UBAC2: variants seen among roughly 807,000 people sequenced by gnomAD.
The protein encoded by UBAC2 is UBA domain containing 2.
UBAC2 carries 26 observed loss-of-function variants against 44.0 expected under a neutral mutation model. The ratio of observed to expected loss-of-function variants is 0.59; its 90% CI spans 0.43 to 0.82. The LOEUF is 0.82. UBAC2 is among the 40% of genes least tolerant of loss of function. UBAC2 has a pLI of 0.00. For missense variants in UBAC2, 329 were observed against 419.4 expected (o/e 0.78, Z 1.88); for synonymous variants, 155 against 154.3 (o/e 1.00, Z -0.04).
At chr13:99,353,978 G>A (rs542794510) in intron 7 of UBAC2, among the ~76,000 whole-genome samples, 1 of 152,364 alleles carries the variant, frequency 6.6e-6, no homozygotes, top group South Asian at 2.1e-4. Context: ...CAAGATTAGA[G>A]CACAGATTAG....
At chr13:99,359,435 G>A (rs117757082) in intron 7 of UBAC2, among the ~76,000 whole-genome samples, 7 of 152,138 alleles carry the variant, frequency 4.6e-5, no homozygotes, top group Non-Finnish European at 8.8e-5. Context: ...CAAGTAAAAC[G>A]ATCTAGTCTT....
chr13:99,290,145 A>C (rs1291497223), intron 4 of UBAC2, among the ~76,000 whole-genome samples: 2 of 152,150 alleles, frequency 1.3e-5, no homozygotes, highest in Non-Finnish European at 2.9e-5. Context: ...AAGTTACTCA[A>C]CCTCTCTGGA....
At position 99,232,401 on chromosome 13, in the gene UBAC2, T is replaced by G. The variant is rs12856660; in HGVS notation, c.32-6026T>G. Among the ~76,000 whole-genome samples, 523 of 94,582 alleles carry G rather than the reference T, an allele frequency of 5.5e-3. 12 individuals carry two copies. Among genetic ancestry groups the G allele is most frequent in the South Asian group, 0.016 (52 of 3,168 alleles). The allele number at this position is 94,582 out of a possible 152,430, so 62.0% of individuals were successfully genotyped here. A position where few individuals can be genotyped will look rare whatever the true frequency, so the allele number is the denominator to read the frequency against. On this transcript the variant is annotated intron_variant, in intron 1 of 8. Coordinates refer to ENST00000403766, the MANE Select transcript of UBAC2 (RefSeq NM_001144072.2). ...ACCCTGTCCATCCTTAGTTGAGAGA[T>G]ATAGATATATATATATATATTCACA...
intron 8 of UBAC2, among the ~76,000 whole-genome samples, chr13:99,378,251 G>A (rs1172722119): frequency 6.6e-6 from 1 of 152,220 alleles, no homozygotes; most frequent in Non-Finnish European, 1.5e-5. Flanking sequence ...ATCTGGCTGG[G>A]CTCAGTGGCT....
At chr13:99,310,544 TG>T (rs1215560048) in intron 4 of UBAC2, among the ~76,000 whole-genome samples, 1 of 152,216 alleles carries the variant, frequency 6.6e-6, no homozygotes, top group African/African-American at 2.4e-5. Flanking sequence ...AATAACATTA[TG>T]GTATTTTGTG....
intron 4 of UBAC2, among the ~76,000 whole-genome samples, chr13:99,253,854 C>T (rs1160941579): frequency 6.6e-6 from 1 of 152,150 alleles, no homozygotes; most frequent in Non-Finnish European, 1.5e-5. Context: ...TGGTTCTAAG[C>T]CCCAGTAGGA....
chr13:99,247,987 T>G (rs2142748894), intron 4 of UBAC2, among the ~76,000 whole-genome samples: 1 of 152,218 alleles, frequency 6.6e-6, no homozygotes, highest in East Asian at 1.9e-4. Context: ...GCAAATTAAA[T>G]GCTTTTAACC....
chr13:99,243,233 C>CTTTTT (rs773750160), intron 2 of UBAC2, among the ~76,000 whole-genome samples: 339 of 94,092 alleles, frequency 3.6e-3, no homozygotes, highest in African/African-American at 4.4e-3. Context: ...TTGAGTAGCT[C>CTTTTT]TTTTTTTTTT....
At chr13:99,377,563 C>A (rs76188325) in intron 8 of UBAC2, 1,638 of 152,204 alleles carry the variant, frequency 0.011, 69 homozygotes, top group East Asian at 0.072. Flanking sequence ...ATGGGCTGAC[C>A]ATCTATAATA....
chr13:99,302,831 A>G (rs1227609475), intron 4 of UBAC2, among the ~76,000 whole-genome samples: 2 of 152,250 alleles, frequency 1.3e-5, no homozygotes, highest in Admixed American at 1.3e-4. Flanking sequence ...AGTAGTCAGT[A>G]CATGCCTCTG....
intron 1 of UBAC2, among the ~76,000 whole-genome samples, chr13:99,214,476 A>C (rs985773668): frequency 3.9e-5 from 6 of 152,078 alleles, no homozygotes; most frequent in Admixed American, 6.6e-5. Flanking sequence ...GCTGGTTTGC[A>C]TATAGGTTGC....
At chr13:99,279,258 A>G (rs941746843) in intron 4 of UBAC2, among the ~76,000 whole-genome samples, 1 of 152,148 alleles carries the variant, frequency 6.6e-6, no homozygotes, top group African/African-American at 2.4e-5. Flanking sequence ...ATAAATACTT[A>G]AATGCTTGAA....
intron 4 of UBAC2, among the ~76,000 whole-genome samples, chr13:99,274,292 A>G (rs1397121413): frequency 6.6e-6 from 1 of 150,998 alleles, no homozygotes; most frequent in Non-Finnish European, 1.5e-5. Context: ...CATTATTGGT[A>G]TAGTATTTTG....
chr13:99,335,183 A>T (rs2044769562), intron 6 of UBAC2, among the ~76,000 whole-genome samples: 1 of 152,236 alleles, frequency 6.6e-6, no homozygotes, highest in African/African-American at 2.4e-5. Context: ...AGACCGAAAA[A>T]TAAAAATGTT....
At chr13:99,224,552 A>G (rs550504384) in intron 1 of UBAC2, among the ~76,000 whole-genome samples, 55 of 152,292 alleles carry the variant, frequency 3.6e-4, no homozygotes, top group African/African-American at 1.2e-3. Flanking sequence ...CTCAGATTCT[A>G]TGATTCACTG....
intron 4 of UBAC2, among the ~76,000 whole-genome samples, chr13:99,292,355 G>A (rs1011392311): frequency 3.3e-5 from 5 of 151,720 alleles, no homozygotes; most frequent in African/African-American, 9.7e-5. Context: ...TGTTAGCCAG[G>A]ATGGTCTCAA....
rs1432140845 is a variant in UBAC2, at chr13:99,203,224, C to T, written c.31+2285C>T. ...GCTATTTTTGTATTTTTAGTAGAGACGGGGTTTTGCCATGTTGACCAGGCT... is the reference window on the plus strand; with the variant it reads ...GCTATTTTTGTATTTTTAGTAGAGATGGGGTTTTGCCATGTTGACCAGGCT... On this transcript the variant is annotated intron_variant, in intron 1 of 8. Coordinates refer to ENST00000403766, the MANE Select transcript of UBAC2 (RefSeq NM_001144072.2). Among the ~76,000 whole-genome samples, 5 of 151,906 alleles carry T rather than the reference C, an allele frequency of 3.3e-5. No individual in the cohort carries two copies. The South Asian group carries it at 8.3e-4, about 25-fold the overall frequency.
intron 1 of UBAC2, among the ~76,000 whole-genome samples, chr13:99,213,190 G>A (rs1386537773): frequency 6.6e-6 from 1 of 151,468 alleles, no homozygotes; most frequent in Non-Finnish European, 1.5e-5. Context: ...ATTAAAAAAC[G>A]TGAGTTAGAA....
At chr13:99,223,542 G>GTTTTTTTTTTTTTTTTTTTTTT (rs145143990) in intron 1 of UBAC2, among the ~76,000 whole-genome samples, 4 of 62,446 alleles carry the variant, frequency 6.4e-5, no homozygotes, top group African/African-American at 1.6e-4. Context: ...CTCTTTTTCT[G>GTTTTTTTTTTTTTTTTTTTTTT]TTTTTTTTTT....
Sources: gnomAD v4.1 joint callset for allele counts (sites outside exome capture counted in the v4.1 genomes callset) on GRCh38, gnomAD v4.1.1 for gene constraint, MANE v1.5 for transcripts, NCBI Gene and HGNC (gene_info 2026-07-23, HGNC 2026-07-21) for gene names.